EYA1: variants seen among roughly 807,000 people sequenced by gnomAD.
EYA1 encodes the protein EYA transcriptional coactivator and phosphatase 1.
EYA1 carries 16 observed loss-of-function variants against 82.0 expected under a neutral mutation model. That is an observed-to-expected ratio of 0.20 (90% CI 0.13 to 0.30). EYA1 has a LOEUF of 0.30. Among genes scored for constraint, EYA1 ranks in the 10% least tolerant of loss-of-function variants. The pLI is 1.00. For synonymous variants in EYA1, 261 were observed against 264.4 expected (o/e 0.99, Z 0.12); for missense variants, 633 against 730.7 (o/e 0.87, Z 1.54).
intron 2 of EYA1, among the ~76,000 whole-genome samples, chr8:71,392,601 T>C (rs750838399): frequency 6.6e-6 from 1 of 152,220 alleles, no homozygotes; most frequent in Non-Finnish European, 1.5e-5. Context: ...CTGGAAATTT[T>C]AGTGCCTTTA....
chr8:71,378,597 G>A (rs1018673238), intron 2 of EYA1, among the ~76,000 whole-genome samples: 1 of 152,022 alleles, frequency 6.6e-6, no homozygotes, highest in South Asian at 2.1e-4. Flanking sequence ...AAGTATATAT[G>A]GGTTATACTT....
At chr8:71,201,512 T>G (rs372331128) in intron 17 of EYA1, among the ~76,000 whole-genome samples, 11 of 152,204 alleles carry the variant, frequency 7.2e-5, no homozygotes, top group African/African-American at 2.7e-4. Flanking sequence ...AGAAAAACGT[T>G]TGATCCTATA....
At chr8:71,539,348 T>C (rs1814965558) in intron 1 of EYA1, among the ~76,000 whole-genome samples, 1 of 152,194 alleles carries the variant, frequency 6.6e-6, no homozygotes. Context: ...GAGAGTGGCA[T>C]GCAGCCCCTT....
At chr8:71,334,307 C>A in intron 3 of EYA1, 133 bp from the exon 4 acceptor site, 2 of 778,516 alleles carry the variant, frequency 2.6e-6, no homozygotes, top group Non-Finnish European at 2.3e-6. Flanking sequence ...GAACATATAT[C>A]ATAAGCATAA....
intron 7 of EYA1, among the ~76,000 whole-genome samples, chr8:71,311,869 C>T (rs1338851130): frequency 6.6e-6 from 1 of 152,156 alleles, no homozygotes; most frequent in African/African-American, 2.4e-5. Flanking sequence ...GCATGCACGA[C>T]GAAAATCTGA....
Position 71,472,104 on chromosome 8 carries a change from A to G in EYA1, c.33+63640T>C, listed in dbSNP as rs187896534. Among the ~76,000 whole-genome samples, 332 of 152,200 alleles carry G rather than the reference A, an allele frequency of 2.2e-3. 1 individual carries two copies. In the Middle Eastern group the frequency reaches 0.037, roughly 17 times the overall value. ...ATGTTCTGTATTCAACCATAAAAACATTTACTCTATTTTGCAACTGCGTTT... is the reference window on the plus strand; with the variant it reads ...ATGTTCTGTATTCAACCATAAAAACGTTTACTCTATTTTGCAACTGCGTTT... On this transcript the variant is annotated intron_variant, in intron 2 of 18. Coordinates refer to the EYA1 transcript ENST00000643681.
chr8:71,521,267 A>G (rs775344367), intron 2 of EYA1, among the ~76,000 whole-genome samples: 8 of 152,112 alleles, frequency 5.3e-5, no homozygotes, highest in Non-Finnish European at 1.0e-4. Flanking sequence ...GTTTTCAGTC[A>G]TATCTTAAAT....
chr8:71,197,978 G>C lies in EYA1; in HGVS notation c.*1362C>G, dbSNP rs1290798006. Reference sequence around the variant, plus strand: ...TGGAGAGGAACGTTGTTTCCATGGTGATGACAATGGCAATGAACCTTCCTC... The same window carrying C: ...TGGAGAGGAACGTTGTTTCCATGGTCATGACAATGGCAATGAACCTTCCTC... On this transcript the variant is annotated 3_prime_UTR_variant, in exon 18 of 18. Coordinates refer to ENST00000340726, the MANE Select transcript of EYA1 (RefSeq NM_000503.6). 6.6e-6 allele frequency: 1 copy of C among 152,202 alleles called. No homozygotes were observed. Among genetic ancestry groups the C allele is most frequent in the African/African-American group, 2.4e-5 (1 of 41,444 alleles). 9.4% of individuals were successfully genotyped at this position (152,202 alleles called of 1,614,324 possible).
chr8:71,335,473 G>A (rs769591897), intron 3 of EYA1, among the ~76,000 whole-genome samples: 6 of 152,156 alleles, frequency 3.9e-5, no homozygotes, highest in Non-Finnish European at 8.8e-5. Context: ...TTCTAAACAA[G>A]CTTTGGAAAA....
intron 2 of EYA1, among the ~76,000 whole-genome samples, chr8:71,477,872 T>C (rs901677612): frequency 3.9e-5 from 6 of 152,162 alleles, no homozygotes; most frequent in African/African-American, 7.2e-5. Flanking sequence ...GGTACATTCA[T>C]ACAATGGAAT....
intron 2 of EYA1, among the ~76,000 whole-genome samples, chr8:71,421,945 C>T (rs978025439): frequency 3.9e-5 from 6 of 152,114 alleles, no homozygotes; most frequent in Non-Finnish European, 8.8e-5. Context: ...AAAGTATCGG[C>T]GTCAGTATTC....
chr8:71,501,843 A>G (rs1191372156), intron 2 of EYA1, among the ~76,000 whole-genome samples: 1 of 152,278 alleles, frequency 6.6e-6, no homozygotes, highest in Non-Finnish European at 1.5e-5. Flanking sequence ...CACACTTCGT[A>G]TAATTCTCAG....
chr8:71,215,327 CG>C, intron 16 of EYA1, 59 bp downstream of exon 16: 1 of 1,556,384 alleles, frequency 6.4e-7, no homozygotes, highest in Non-Finnish European at 8.8e-7. Context: ...TATTGCCTTT[CG>C]TTTTTATTAT....
chr8:71,213,481 A>C (rs1273942990), intron 16 of EYA1, among the ~76,000 whole-genome samples: 1 of 152,208 alleles, frequency 6.6e-6, no homozygotes, highest in Non-Finnish European at 1.5e-5. Flanking sequence ...CATGTGACTT[A>C]AACTGTTTGC....
At chr8:71,248,673 A>G (rs1412349861) in intron 11 of EYA1, among the ~76,000 whole-genome samples, 1 of 152,236 alleles carries the variant, frequency 6.6e-6, no homozygotes. Context: ...CAGATAGATA[A>G]TTCTGCTCAT....
At chr8:71,211,085 T>G in intron 17 of EYA1, 71 bp downstream of exon 17, 1 of 934,220 alleles carries the variant, frequency 1.1e-6, no homozygotes. Context: ...CCTGTTTAAA[T>G]GATCCAGTTA....
chr8:71,421,581 T>C lies in EYA1; in HGVS notation c.34-65070A>G, dbSNP rs571873765. On this transcript the variant is annotated intron_variant, in intron 2 of 18. Transcript: ENST00000643681. ...TACATGCTCAAGTGTGTGTGTCTGG[T>C]GGGGTAGGGCAACTTGTGGATACGA... Among the ~76,000 whole-genome samples the C allele has an allele frequency of 2.3e-4, 35 of 152,200 alleles. No individual in the cohort carries two copies. In the East Asian group the frequency reaches 6.4e-3, roughly 28 times the overall value.
chr8:71,299,874 TTGA>T (rs1820014194), intron 7 of EYA1, among the ~76,000 whole-genome samples, 154 bp from the exon 8 acceptor site: 1 of 152,198 alleles, frequency 6.6e-6, no homozygotes, highest in African/African-American at 2.4e-5. Context: ...CTTAACATAG[TTGA>T]TGATTTTATT....
rs1406612162 is a variant in EYA1, at chr8:71,397,439, T to C, written c.34-40928A>G. Among the ~76,000 whole-genome samples, 3 of 152,224 alleles carry C rather than the reference T, an allele frequency of 2.0e-5. No homozygotes were observed. The East Asian group carries it at 5.8e-4, about 29-fold the overall frequency. ...CAGTGGCTGGTACTAGTTGTTCCTT[T>C]CCATGTTTAGTGCTTCCTTCAGGAG... On this transcript the variant is annotated intron_variant, in intron 2 of 18. Transcript: ENST00000643681.
Sources: allele counts gnomAD v4.1 joint callset (sites outside exome capture counted in the v4.1 genomes callset), GRCh38; gene constraint gnomAD v4.1.1; transcripts MANE v1.5; gene names NCBI Gene and HGNC (gene_info 2026-07-23, HGNC 2026-07-21).